DPP6: variants seen among roughly 807,000 people sequenced by gnomAD.
DPP6 encodes dipeptidyl peptidase like 6.
A neutral mutation model predicts 122.6 loss-of-function variants in DPP6; 69 were observed. The ratio of observed to expected loss-of-function variants is 0.56; its 90% confidence interval spans 0.46 to 0.69. The LOEUF is 0.69. DPP6 is among the 30% of genes least tolerant of loss of function. The pLI, the probability that DPP6 is intolerant of heterozygous loss-of-function variation, is 0.00. For synonymous variants in DPP6, 418 were observed against 433.1 expected, an observed-to-expected ratio of 0.97 and a Z score of 0.43; for missense variants, 928 against 1,116.9, an observed-to-expected ratio of 0.83 and a Z score of 2.41.
chr7:153,825,010 C>G, the DPP6 span, among the ~76,000 whole-genome samples: 8 of 152,090 alleles, frequency 5.3e-5, no homozygotes, highest in Admixed American at 3.3e-4. Flanking sequence ...GCAGCACTCT[C>G]ATCAGAGCTG....
intron 10 of DPP6, among the ~76,000 whole-genome samples, chr7:154,779,631 G>A (rs1467231177): frequency 6.6e-6 from 1 of 152,188 alleles, no homozygotes; most frequent in Non-Finnish European, 1.5e-5. Context: ...CTTTCAGGTG[G>A]CACAAAGCTC....
the DPP6 span, among the ~76,000 whole-genome samples, chr7:153,843,615 G>T: frequency 1.3e-5 from 2 of 151,988 alleles, no homozygotes; most frequent in Non-Finnish European, 2.9e-5. Flanking sequence ...AGGGATTTAG[G>T]GTCATTTGAT....
At chr7:154,021,522 C>A (rs71534063) in intron 1 of DPP6, among the ~76,000 whole-genome samples, 2 of 152,120 alleles carry the variant, frequency 1.3e-5, no homozygotes, top group Non-Finnish European at 2.9e-5. Flanking sequence ...CAGCCTACAA[C>A]CATTTTCACA....
intron 3 of DPP6, among the ~76,000 whole-genome samples, chr7:154,511,127 G>A (rs1826061220): frequency 6.6e-6 from 1 of 152,216 alleles, no homozygotes; most frequent in South Asian, 2.1e-4. Context: ...AGGGAGGGAA[G>A]ATTGTTCAGG....
chr7:154,062,068 C>T (rs1802048248), intron 1 of DPP6, among the ~76,000 whole-genome samples: 1 of 115,666 alleles, frequency 8.6e-6, no homozygotes, highest in Non-Finnish European at 1.9e-5. Context: ...CCCCTGGTTC[C>T]CCCACTGGCT....
chr7:153,793,310 A>G, the DPP6 span, among the ~76,000 whole-genome samples: 3 of 150,674 alleles, frequency 2.0e-5, no homozygotes, highest in African/African-American at 7.3e-5. Context: ...GTGGTCTCAG[A>G]TGGTGATGAG....
intron 8 of DPP6, among the ~76,000 whole-genome samples, chr7:154,729,536 A>C (rs1213914879): frequency 6.6e-6 from 1 of 152,248 alleles, no homozygotes; most frequent in African/African-American, 2.4e-5. Flanking sequence ...TGGCAAATGT[A>C]TATACTATAT....
At chr7:153,832,069 G>T in the DPP6 span, among the ~76,000 whole-genome samples, 3 of 152,146 alleles carry the variant, frequency 2.0e-5, no homozygotes, top group Admixed American at 1.3e-4. Flanking sequence ...GGTGGTGGGG[G>T]TTTCAACCCA....
rs1804809458 is a variant in DPP6 at position 154,875,941 on chromosome 7, A to G, written c.1919A>G (p.Lys640Arg). 6.2e-7 allele frequency: 1 copy of G among 1,613,192 alleles called. No individual in the cohort carries two copies. The highest frequency in any genetic ancestry group is 8.5e-7 in the Non-Finnish European group (1 of 1,179,664). ...GTPGSQSVAEKFEVSWETVMV... is the reference protein window; with the variant it reads ...GTPGSQSVAERFEVSWETVMV... ...CCAGGCAGCCAGAGTGTGGCTGAGA[A>G]GTTCGAGGTGAGCTGGGAGACGGTG... Residue 640 changes from lysine (K) to arginine (R), a missense_variant, in exon 20 of 26, where the codon AAG (lysine) becomes AGG (arginine). Transcript: ENST00000377770. This position sits in a 1 kb window ranked among gnomAD's most constrained non-coding sequence, Gnocchi z 4.5.
chr7:153,995,998 G>T (rs182059548), intron 1 of DPP6, among the ~76,000 whole-genome samples: 2 of 152,166 alleles, frequency 1.3e-5, no homozygotes, highest in African/African-American at 4.8e-5. Context: ...GCAACATTCC[G>T]CAGGGGCTAG....
chr7:153,761,103 C>G, the DPP6 span, among the ~76,000 whole-genome samples: 2 of 152,124 alleles, frequency 1.3e-5, no homozygotes, highest in Non-Finnish European at 1.5e-5. Context: ...CATTTACTCC[C>G]CATCTATCAG....
At chr7:154,648,817 G>C (rs904754399) in intron 6 of DPP6, among the ~76,000 whole-genome samples, 4 of 151,948 alleles carry the variant, frequency 2.6e-5, no homozygotes, top group African/African-American at 9.7e-5. Context: ...CACTAGGGAG[G>C]CTGAGGCAGG....
At chr7:154,574,365 T>C (rs1487491509) in intron 5 of DPP6, among the ~76,000 whole-genome samples, 2 of 144,486 alleles carry the variant, frequency 1.4e-5, no homozygotes, top group Non-Finnish European at 3.0e-5. Context: ...GTGTGTGTTG[T>C]GTATGTGTGT....
chr7:154,665,980 C>T (rs931481245), intron 6 of DPP6, among the ~76,000 whole-genome samples: 12 of 151,882 alleles, frequency 7.9e-5, no homozygotes, highest in Non-Finnish European at 1.3e-4. Context: ...AATTTACTCA[C>T]GGAACTACAG....
intron 1 of DPP6, among the ~76,000 whole-genome samples, chr7:154,337,738 C>G (rs571220061): frequency 6.6e-6 from 1 of 152,196 alleles, no homozygotes; most frequent in Non-Finnish European, 1.5e-5. Flanking sequence ...AGGAAGTCAC[C>G]TCTTTTAGCA....
At position 154,540,002 on chromosome 7, in the gene DPP6, C is replaced by T. The variant is rs1289047755; in HGVS notation, c.458-530C>T. On this transcript the variant is annotated intron_variant, in intron 3 of 25. Coordinates refer to ENST00000377770, the MANE Select transcript of DPP6 (RefSeq NM_130797.4). The stretch of plus-strand genomic sequence containing the variant: ...GGGGATGCTTGAAATCTTGGTTGTT[C>T]ATCTACAAGAGGCCAGACTCAGCAT... Among the ~76,000 whole-genome samples the T allele has an allele frequency of 3.9e-5, 6 of 152,072 alleles. No homozygotes were observed. In the South Asian group the frequency reaches 1.0e-3, roughly 26 times the overall value.
intron 7 of DPP6, among the ~76,000 whole-genome samples, chr7:154,675,362 A>G (rs554206171): frequency 1.3e-5 from 2 of 152,308 alleles, no homozygotes; most frequent in South Asian, 4.1e-4. Context: ...ATAATAAAGA[A>G]AAAAAGAAAA....
In DPP6 at chr7:154,197,808, A is replaced by C. The variant is rs76286350; in HGVS notation, c.243+144745A>C. 6.1e-3 allele frequency among the ~76,000 whole-genome samples: 934 copies of C among 152,296 alleles called. 5 individuals carry two copies. The highest frequency in any genetic ancestry group is 0.021 in the African/African-American group (883 of 41,556). ...TTAGAATGTCGTTGCTTTGCAGTTC[A>C]TATCCTAACCCACCTGATCCTAACA... On this transcript the variant is annotated intron_variant, in intron 1 of 25. Coordinates refer to ENST00000377770, the MANE Select transcript of DPP6 (RefSeq NM_130797.4).
chr7:154,238,603 A>G (rs2150867694), intron 1 of DPP6, among the ~76,000 whole-genome samples: 1 of 152,326 alleles, frequency 6.6e-6, no homozygotes, highest in South Asian at 2.1e-4. Context: ...GCTAGGAAGT[A>G]GCAGAGCTGG....
Sources: allele counts gnomAD v4.1 joint callset (sites outside exome capture counted in the v4.1 genomes callset), GRCh38; gene constraint gnomAD v4.1.1; non-coding constraint Gnocchi (gnomAD v3.1); transcripts MANE v1.5; gene names NCBI Gene and HGNC (gene_info 2026-07-23, HGNC 2026-07-21).